Variants in SAP30L observed in about 807,000 individuals in gnomAD.
The protein encoded by SAP30L is SAP30 like, also known as histone deacetylase complex subunit SAP30L.
A neutral mutation model predicts 22.3 loss-of-function variants in SAP30L; 10 were observed. The ratio of observed to expected loss-of-function variants is 0.45; its 90% CI spans 0.28 to 0.76. The LOEUF (loss-of-function observed/expected upper bound fraction) is 0.76, where lower values mean the gene tolerates loss of function less well. Ranked by LOEUF, SAP30L falls within the 30% of genes least tolerant of loss-of-function variation. The probability of loss-of-function intolerance (pLI) is 0.14; values close to 1 mark genes in which losing one functional copy is unlikely to be tolerated. For synonymous variants in SAP30L, 91 were observed against 94.1 expected (o/e 0.97, Z 0.19); for missense variants, 206 against 237.9 (o/e 0.87, Z 0.88).
chr5:154,451,942 C>T (rs1757150056), intron 2 of SAP30L, among the ~76,000 whole-genome samples: 1 of 152,148 alleles, frequency 6.6e-6, no homozygotes, highest in Non-Finnish European at 1.5e-5. Context: ...TGTTGAGAAC[C>T]ACTGCGCTAG....
intron 3 of SAP30L, among the ~76,000 whole-genome samples, chr5:154,454,872 G>A (rs1757230542): frequency 6.6e-6 from 1 of 152,038 alleles, no homozygotes; most frequent in African/African-American, 2.4e-5. Flanking sequence ...GAATTTTGGG[G>A]TTCAGATGCC....
chr5:154,446,636 G>A lies in SAP30L; in HGVS notation c.32G>A (p.Arg11His). Reference sequence around the variant, plus strand: ...GGCTTCAGCACGGAGGAGGACAGCCGCGAAGGGCCCCCCGCCGCCCCAGCT... The same window carrying A: ...GGCTTCAGCACGGAGGAGGACAGCCACGAAGGGCCCCCCGCCGCCCCAGCT... The part of the protein sequence containing the change: MNGFSTEEDS[R>H]EGPPAAPAAA... Residue 11 changes from arginine (R) to histidine (H), a missense_variant, in exon 1 of 4, where the codon CGC (arginine) becomes CAC (histidine). Physicochemically the swap from Arg to His is conservative, Grantham distance 29. Coordinates refer to ENST00000297109, the MANE Select transcript of SAP30L (RefSeq NM_024632.6). The A allele has an allele frequency of 6.5e-7, 1 of 1,526,948 alleles. No homozygotes were observed. The highest frequency in any genetic ancestry group is 8.8e-7 in the Non-Finnish European group (1 of 1,139,294). 94.6% of individuals were successfully genotyped at this position (1,526,948 alleles called of 1,614,324 possible).
chr5:154,452,365 C>T (rs1347851555), intron 2 of SAP30L: 1 of 224,480 alleles, frequency 4.5e-6, no homozygotes, highest in Non-Finnish European at 6.7e-6. Flanking sequence ...TGGTTTTCAC[C>T]AAAAAAAAAA....
chr5:154,459,941 C>T lies in SAP30L; in HGVS notation c.*3913C>T, dbSNP rs1223308872. On this transcript the variant is annotated 3_prime_UTR_variant, in exon 4 of 4. Transcript: ENST00000297109. ...CAAGGTGGAAAGTCTGTTAAGCTTGCTGTTGTCCAATCATCCGTTTTTAGA... is the reference window on the plus strand; with the variant it reads ...CAAGGTGGAAAGTCTGTTAAGCTTGTTGTTGTCCAATCATCCGTTTTTAGA... 1.3e-5 allele frequency: 2 copies of T among 152,228 alleles called. No homozygotes were observed. Among genetic ancestry groups the T allele is most frequent in the African/African-American group, 2.4e-5 (1 of 41,460 alleles). The allele number at this position is 152,228 out of a possible 1,614,324, so 9.4% of individuals were successfully genotyped here. A position where few individuals can be genotyped will look rare whatever the true frequency, so the allele number is the denominator to read the frequency against.
In SAP30L at chr5:154,458,163, T is replaced by C. The variant is rs992164964; in HGVS notation, c.*2135T>C. The C allele has an allele frequency of 6.6e-6, 1 of 152,170 alleles. No homozygotes were observed. Among genetic ancestry groups the C allele is most frequent in the Non-Finnish European group, 1.5e-5 (1 of 68,024 alleles). The allele number at this position is 152,170 out of a possible 1,614,324, so 9.4% of individuals were successfully genotyped here. A position where few individuals can be genotyped will look rare whatever the true frequency, so the allele number is the denominator to read the frequency against. The stretch of plus-strand genomic sequence containing the variant: ...TATTCCAAAGCGAAACCTGGGGAAA[T>C]GTTTTACCTTCAGCCAGATGCTGTG... On this transcript the variant is annotated 3_prime_UTR_variant, in exon 4 of 4. Coordinates refer to ENST00000297109, the MANE Select transcript of SAP30L (RefSeq NM_024632.6).
chr5:154,457,342 GAA>G lies in SAP30L; in HGVS notation c.*1317_*1318del, dbSNP rs1757285340. On this transcript the variant is annotated 3_prime_UTR_variant, in exon 4 of 4. Transcript: ENST00000297109. ...GGGTAGGAGGGTGGGAGAAAGAAAA[GAA>G]AAGAATTTGGATTCTAATTTATGAC... 1 of 152,190 alleles carries G rather than the reference GAA, an allele frequency of 6.6e-6. No individual in the cohort carries two copies. Among genetic ancestry groups the G allele is most frequent in the South Asian group, 2.1e-4 (1 of 4,830 alleles). The allele number at this position is 152,190 out of a possible 1,614,324, so 9.4% of individuals were successfully genotyped here.
Position 154,451,120 on chromosome 5 carries a change from C to T in SAP30L, c.231C>T (p.His77=). 6.2e-7 allele frequency: 1 copy of T among 1,613,986 alleles called. No homozygotes were observed. Among genetic ancestry groups the T allele is most frequent in the Non-Finnish European group, 8.5e-7 (1 of 1,179,972 alleles). Residue 77 remains histidine (H), a synonymous_variant, in exon 2 of 4, where the codon CAC becomes CAT. Transcript: ENST00000297109. ...SVRHLYICDF[H]KNFIQSVRNK... ...GGCACCTATATATCTGTGATTTTCA[C>T]AAAAATTTCATCCAGAGTGTCCGAA...
rs534924391 is a variant in SAP30L, at chr5:154,458,263, A to C, written c.*2235A>C. 6.6e-6 allele frequency: 1 copy of C among 152,364 alleles called. No individual in the cohort carries two copies. Among genetic ancestry groups the C allele is most frequent in the East Asian group, 1.9e-4 (1 of 5,184 alleles). 9.4% of individuals were successfully genotyped at this position (152,364 alleles called of 1,614,324 possible). A position where few individuals can be genotyped will look rare whatever the true frequency, so the allele number is the denominator to read the frequency against. ...AGTGGAGGTTGTGGGCATCTTTTCA[A>C]CCTTTTCAATCTGACCTTTCAACAG... On this transcript the variant is annotated 3_prime_UTR_variant, in exon 4 of 4. Coordinates refer to ENST00000297109, the MANE Select transcript of SAP30L (RefSeq NM_024632.6).
intron 2 of SAP30L, among the ~76,000 whole-genome samples, chr5:154,451,520 G>A (rs1405815560): frequency 3.3e-5 from 5 of 149,842 alleles, no homozygotes; most frequent in Non-Finnish European, 7.4e-5. Context: ...CGCCCCTGAC[G>A]AATGCGTAAA....
Position 154,446,808 on chromosome 5 carries a change from G to C in SAP30L, c.201+3G>C. Reference sequence around the variant, plus strand: ...TCAAGCTGGACATCGACAAGAGCGTGAGTCCGCCCCCGCTCGCGTCTGGGC... The same window carrying C: ...TCAAGCTGGACATCGACAAGAGCGTCAGTCCGCCCCCGCTCGCGTCTGGGC... On this transcript the variant is annotated splice_donor_region_variant and intron_variant, in intron 1 of 3. Transcript: ENST00000297109. 1 of 1,601,382 alleles carries C rather than the reference G, an allele frequency of 6.2e-7. No homozygotes were observed. The highest frequency in any genetic ancestry group is 8.5e-7 in the Non-Finnish European group (1 of 1,175,404).
chr5:154,454,030 C>T (rs946923228), intron 3 of SAP30L, among the ~76,000 whole-genome samples: 1 of 152,194 alleles, frequency 6.6e-6, no homozygotes, highest in Non-Finnish European at 1.5e-5. Flanking sequence ...CACTATGTTG[C>T]TCAAGTGATT....
chr5:154,450,981 A>T (rs761602893), intron 1 of SAP30L, 110 bp from the exon 2 acceptor site: 1 of 1,157,392 alleles, frequency 8.6e-7, no homozygotes, highest in Non-Finnish European at 1.3e-6. Flanking sequence ...CTTGTCTTCC[A>T]TCTATCTCTC....
Position 154,458,761 on chromosome 5 carries a change from G to A in SAP30L, c.*2733G>A, listed in dbSNP as rs1321917018. On this transcript the variant is annotated 3_prime_UTR_variant, in exon 4 of 4. Coordinates refer to ENST00000297109, the MANE Select transcript of SAP30L (RefSeq NM_024632.6). ...CCTGCCATTCATGTTGTTTTAAGAT[G>A]TTTTAAAAACCAATGGACAAACTTC... 6.6e-6 allele frequency: 1 copy of A among 152,070 alleles called. No homozygotes were observed. The highest frequency in any genetic ancestry group is 6.6e-5 in the Admixed American group (1 of 15,260). 9.4% of individuals were successfully genotyped at this position (152,070 alleles called of 1,614,324 possible). A position where few individuals can be genotyped will look rare whatever the true frequency, so the allele number is the denominator to read the frequency against.
At chr5:154,447,541 T>G (rs1391367106) in intron 1 of SAP30L, among the ~76,000 whole-genome samples, 1 of 152,268 alleles carries the variant, frequency 6.6e-6, no homozygotes, top group Non-Finnish European at 1.5e-5. Context: ...ATTCTGAAGC[T>G]GTGCCTATTG....
intron 1 of SAP30L, among the ~76,000 whole-genome samples, chr5:154,447,717 C>T (rs755556067): frequency 6.6e-6 from 1 of 152,170 alleles, no homozygotes; most frequent in Non-Finnish European, 1.5e-5. Context: ...CAGAATTTCT[C>T]CACAGTTGGA....
Position 154,456,257 on chromosome 5 carries a change from G to A in SAP30L, c.*229G>A. 2.9e-6 allele frequency: 1 copy of A among 347,434 alleles called. No individual in the cohort carries two copies. The allele number at this position is 347,434 out of a possible 1,614,324, so 21.5% of individuals were successfully genotyped here. A position where few individuals can be genotyped will look rare whatever the true frequency, so the allele number is the denominator to read the frequency against. On this transcript the variant is annotated 3_prime_UTR_variant, in exon 4 of 4. Coordinates refer to ENST00000297109, the MANE Select transcript of SAP30L (RefSeq NM_024632.6). Reference sequence around the variant, plus strand: ...ACTAAAAAAATCAGGATCATTAAAAGAATTAAAAACTATGTATTTCAGCAT... The same window carrying A: ...ACTAAAAAAATCAGGATCATTAAAAAAATTAAAAACTATGTATTTCAGCAT...
chr5:154,448,190 G>A (rs1191202873), intron 1 of SAP30L, among the ~76,000 whole-genome samples: 1 of 151,956 alleles, frequency 6.6e-6, no homozygotes, highest in Non-Finnish European at 1.5e-5. Context: ...TGGACAGGCT[G>A]GTCTTGAACT....
At chr5:154,453,062 C>T (rs544380535) in intron 2 of SAP30L, 3 of 212,278 alleles carry the variant, frequency 1.4e-5, no homozygotes, top group East Asian at 1.1e-4. Context: ...GCCTGTGACC[C>T]CCTTGCCCAT....
At chr5:154,452,758 T>G (rs1381793397) in intron 2 of SAP30L, among the ~76,000 whole-genome samples, 1 of 128,198 alleles carries the variant, frequency 7.8e-6, no homozygotes, top group African/African-American at 2.8e-5. Context: ...TCCTTTGTGC[T>G]CCTCTATCCG....
Sources: gnomAD v4.1 joint callset for allele counts (sites outside exome capture counted in the v4.1 genomes callset) on GRCh38, gnomAD v4.1.1 for gene constraint, MANE v1.5 for transcripts, NCBI Gene and HGNC (gene_info 2026-07-23, HGNC 2026-07-21) for gene names.